PDSS2: variants seen among roughly 807,000 people sequenced by gnomAD.
PDSS2 encodes the protein decaprenyl diphosphate synthase subunit 2, also known as all trans-polyprenyl-diphosphate synthase PDSS2.
Under a neutral mutation model 44.5 loss-of-function variants are expected in PDSS2, and 31 were observed. The observed-to-expected ratio is 0.70, with a 90% CI of 0.52 to 0.94. The LOEUF (loss-of-function observed/expected upper bound fraction) is 0.94. PDSS2 is among the 40% of genes least tolerant of loss of function. The pLI is 0.00. For missense variants in PDSS2, 452 were observed against 482.2 expected (o/e 0.94, Z 0.59); for synonymous variants, 157 against 180.3 (o/e 0.87, Z 1.03).
At chr6:107,427,057 G>A (rs897916381) in intron 1 of PDSS2, among the ~76,000 whole-genome samples, 7 of 152,110 alleles carry the variant, frequency 4.6e-5, no homozygotes, top group African/African-American at 1.7e-4. Context: ...GAATGATATG[G>A]TTTGGCTGTG....
At chr6:107,325,468 G>T (rs1048475643) in intron 2 of PDSS2, among the ~76,000 whole-genome samples, 3 of 152,162 alleles carry the variant, frequency 2.0e-5, no homozygotes, top group Admixed American at 2.0e-4. Context: ...CAAATGCGAA[G>T]AAATTGATGG....
chr6:107,153,364 C>T lies in PDSS2; in HGVS notation c.*1255G>A, dbSNP rs1554244864. On this transcript the variant is annotated 3_prime_UTR_variant, in exon 8 of 8. Coordinates refer to ENST00000369037, the MANE Select transcript of PDSS2 (RefSeq NM_020381.4). ...ACAGAGACAGTGTCCGATTGCAGGC[C>T]TGTGAGATTGCTTATATTCTTTCTG... 6.6e-6 allele frequency: 1 copy of T among 152,544 alleles called. No homozygotes were observed. Among genetic ancestry groups the T allele is most frequent in the Non-Finnish European group, 1.5e-5 (1 of 68,028 alleles). 9.4% of individuals were successfully genotyped at this position (152,544 alleles called of 1,614,324 possible).
At chr6:107,158,730 C>T (rs1582709920) in intron 7 of PDSS2, among the ~76,000 whole-genome samples, 1 of 149,616 alleles carries the variant, frequency 6.7e-6, no homozygotes, top group African/African-American at 2.5e-5. Flanking sequence ...TAACTGTTTT[C>T]TTTTTTTTTT....
At chr6:107,431,911 T>C (rs191266595) in intron 1 of PDSS2, among the ~76,000 whole-genome samples, 23 of 152,316 alleles carry the variant, frequency 1.5e-4, no homozygotes, top group Non-Finnish European at 2.8e-4. Flanking sequence ...TTCACATAGC[T>C]AGGAAATGGC....
chr6:107,173,569 T>C (rs1371003272), intron 7 of PDSS2, among the ~76,000 whole-genome samples: 2 of 22,902 alleles, frequency 8.7e-5, no homozygotes, highest in East Asian at 1.5e-3. Context: ...TGAGACTCTG[T>C]CTCAAAAAAA....
intron 3 of PDSS2, among the ~76,000 whole-genome samples, chr6:107,263,286 CTA>C (rs1249349107): frequency 3.3e-5 from 5 of 152,232 alleles, no homozygotes; most frequent in African/African-American, 9.6e-5. Flanking sequence ...AAACCCATCT[CTA>C]TTAAAAATAC....
At chr6:107,155,187 C>T (rs914416412) in intron 7 of PDSS2, among the ~76,000 whole-genome samples, 9 of 150,926 alleles carry the variant, frequency 6.0e-5, no homozygotes, top group Non-Finnish European at 1.3e-4. Context: ...GCTCTGTCGC[C>T]CAGGATGGAG....
intron 6 of PDSS2, among the ~76,000 whole-genome samples, chr6:107,200,929 C>T (rs189223562): frequency 9.2e-5 from 14 of 152,002 alleles, no homozygotes; most frequent in African/African-American, 2.2e-4. Flanking sequence ...CCTCCCAAAG[C>T]GTTGGGATTA....
chr6:107,294,012 G>A (rs1776429831), intron 2 of PDSS2, among the ~76,000 whole-genome samples: 1 of 152,142 alleles, frequency 6.6e-6, no homozygotes, highest in Non-Finnish European at 1.5e-5. Flanking sequence ...AGAGCAAGCA[G>A]GGGTTAGGAA....
At chr6:107,197,768 C>T in intron 6 of PDSS2, 1 of 466,404 alleles carries the variant, frequency 2.1e-6, no homozygotes, top group Admixed American at 2.4e-5. Flanking sequence ...GTCAATGTTG[C>T]CTCTCTTCTA....
intron 2 of PDSS2, among the ~76,000 whole-genome samples, chr6:107,298,462 C>G (rs1001937940): frequency 6.6e-6 from 1 of 152,076 alleles, no homozygotes; most frequent in African/African-American, 2.4e-5. Flanking sequence ...GCAAATATAA[C>G]CATTTTATAT....
At chr6:107,409,259 A>G (rs1780416224) in intron 1 of PDSS2, among the ~76,000 whole-genome samples, 2 of 152,184 alleles carry the variant, frequency 1.3e-5, no homozygotes, top group Non-Finnish European at 2.9e-5. Flanking sequence ...TGTCTGTTGT[A>G]TCATCTTGGA....
chr6:107,245,615 A>T lies in PDSS2; in HGVS notation c.635T>A (p.Val212Glu). 1 of 1,574,970 alleles carries T rather than the reference A, an allele frequency of 6.3e-7. No homozygotes were observed. Among genetic ancestry groups the T allele is most frequent in the Non-Finnish European group, 8.7e-7 (1 of 1,150,460 alleles). The change falls in exon 4 of 8, where the codon GTG becomes GAG. Residue 212 changes from valine to glutamate, a missense_variant. Physicochemically the swap from Val to Glu is moderately radical, Grantham distance 121. Transcript: ENST00000369037. ...CATAAGAGCACTTGCTAAAAGTTCC[A>T]CAACCTAAAAAGCAAGAAGAAAAAT... ...GLALLQNTKV[V>E]ELLASALMDL...
intron 2 of PDSS2, among the ~76,000 whole-genome samples, chr6:107,290,490 G>C (rs563259136): frequency 6.6e-6 from 1 of 152,200 alleles, no homozygotes; most frequent in African/African-American, 2.4e-5. Flanking sequence ...TCCCTATAAT[G>C]GACTCCAAGT....
intron 7 of PDSS2, among the ~76,000 whole-genome samples, chr6:107,172,771 CT>C (rs369070437): frequency 0.044 from 6,537 of 147,634 alleles, 163 homozygotes; most frequent in Middle Eastern, 0.1. Flanking sequence ...CACACACATT[CT>C]TTTTTTTTTT....
At chr6:107,241,710 T>C (rs9386630) in intron 4 of PDSS2, among the ~76,000 whole-genome samples, 1 of 152,130 alleles carries the variant, frequency 6.6e-6, no homozygotes, top group East Asian at 1.9e-4. Flanking sequence ...CCTTGCATTT[T>C]TTGCTATGCA....
chr6:107,196,315 T>C (rs1772562015), intron 6 of PDSS2, among the ~76,000 whole-genome samples: 1 of 152,240 alleles, frequency 6.6e-6, no homozygotes. Flanking sequence ...GCTACTCACT[T>C]TGATATTGTC....
intron 1 of PDSS2, among the ~76,000 whole-genome samples, chr6:107,437,155 G>A (rs1781374087): frequency 6.6e-6 from 1 of 152,078 alleles, no homozygotes; most frequent in South Asian, 2.1e-4. Flanking sequence ...GTGTGCCATC[G>A]CACTGGTAAT....
chr6:107,417,097 A>G (rs533545493), intron 1 of PDSS2, among the ~76,000 whole-genome samples: 62 of 152,218 alleles, frequency 4.1e-4, no homozygotes, highest in African/African-American at 1.4e-3. Context: ...AAATTTTTTT[A>G]AAGAAGCACT....
Sources: gnomAD v4.1 joint callset for allele counts (sites outside exome capture counted in the v4.1 genomes callset) on GRCh38, gnomAD v4.1.1 for gene constraint, MANE v1.5 for transcripts, NCBI Gene and HGNC (gene_info 2026-07-23, HGNC 2026-07-21) for gene names.